The following SLC44A5 variants were observed in gnomAD, a reference collection of about 807,000 sequenced individuals.
SLC44A5 encodes solute carrier family 44 member 5.
SLC44A5 carries 57 observed loss-of-function variants against 101.8 expected under a neutral mutation model. The observed-to-expected ratio is 0.56, with a 90% CI of 0.45 to 0.70. The LOEUF is 0.70. SLC44A5 is among the 30% of genes least tolerant of loss of function. SLC44A5 has a pLI of 0.00. For missense variants in SLC44A5, 737 were observed against 853.1 expected (o/e 0.86, Z 1.70); for synonymous variants, 281 against 290.9 (o/e 0.97, Z 0.35).
chr1:75,425,274 G>T (rs1254650076), intron 2 of SLC44A5, among the ~76,000 whole-genome samples: 1 of 152,184 alleles, frequency 6.6e-6, no homozygotes, highest in South Asian at 2.1e-4. Context: ...ACTATGTTAG[G>T]CACATGTTAG....
intron 2 of SLC44A5, among the ~76,000 whole-genome samples, chr1:75,461,971 C>A (rs371507812): frequency 5.9e-5 from 9 of 152,292 alleles, no homozygotes; most frequent in African/African-American, 2.2e-4. Flanking sequence ...CACAATCCTG[C>A]AGGGAAGGAC....
intron 5 of SLC44A5, among the ~76,000 whole-genome samples, chr1:75,282,899 T>G (rs1292863122): frequency 3.9e-5 from 6 of 152,214 alleles, no homozygotes. Context: ...GGTATGTTTT[T>G]ATTAGCAGTG....
the SLC44A5 span, among the ~76,000 whole-genome samples, chr1:75,692,729 A>G: frequency 6.6e-6 from 1 of 152,300 alleles, no homozygotes; most frequent in East Asian, 1.9e-4. Flanking sequence ...GAAGGGAGAG[A>G]AAAATATGTA....
intron 5 of SLC44A5, among the ~76,000 whole-genome samples, chr1:75,286,987 C>A (rs1262940927): frequency 6.6e-6 from 1 of 152,122 alleles, no homozygotes. Flanking sequence ...ATGTCTATAT[C>A]TCTAGCAAGG....
intron 1 of SLC44A5, among the ~76,000 whole-genome samples, chr1:75,597,555 G>T (rs1423855640): frequency 6.6e-6 from 1 of 152,012 alleles, no homozygotes; most frequent in Admixed American, 6.6e-5. Context: ...CTATACTATA[G>T]GGCTGCAGTA....
At chr1:75,348,649 A>G (rs1018773015) in intron 3 of SLC44A5, among the ~76,000 whole-genome samples, 1 of 152,218 alleles carries the variant, frequency 6.6e-6, no homozygotes, top group African/African-American at 2.4e-5. Flanking sequence ...ATGTGTTCTC[A>G]TAATAGTTTT....
At chr1:75,241,057 G>A (rs956750975) in intron 9 of SLC44A5, among the ~76,000 whole-genome samples, 2 of 131,482 alleles carry the variant, frequency 1.5e-5, no homozygotes, top group African/African-American at 5.5e-5. Context: ...ATTTCATTTA[G>A]TGAATACATT....
At chr1:75,675,487 G>C in the SLC44A5 span, among the ~76,000 whole-genome samples, 1 of 152,058 alleles carries the variant, frequency 6.6e-6, no homozygotes, top group Non-Finnish European at 1.5e-5. Flanking sequence ...TGTTGAAGTT[G>C]CTTATCAGCT....
Position 75,238,519 on chromosome 1 carries a change from G to T in SLC44A5, c.650C>A (p.Ala217Asp). ...AGAATGTAAACACACATACTTTGCA[G>T]CAATCCCGAGTTCTACAACACTTCT... ...GTRSVVELGIAANGINKLLDA... is the reference protein window; with the variant it reads ...GTRSVVELGIDANGINKLLDA... The change falls in exon 10 of 24, where the codon GCT becomes GAT. Residue 217 changes from alanine to aspartate, a missense_variant. Physicochemically the swap from Ala to Asp is moderately radical, Grantham distance 126. This residue lies in a region of SLC44A5 where 665 missense variants were observed against 764.4 expected (regional missense o/e 0.87). Coordinates refer to ENST00000370859, the MANE Select transcript of SLC44A5 (RefSeq NM_001130058.2). 6.3e-7 allele frequency: 1 copy of T among 1,592,096 alleles called. No homozygotes were observed. The highest frequency in any genetic ancestry group is 1.4e-5 in the African/African-American group (1 of 73,546).
intron 4 of SLC44A5, among the ~76,000 whole-genome samples, chr1:75,302,104 G>GTTTTTTTATT (rs1204998592): frequency 4.0e-5 from 2 of 49,590 alleles, no homozygotes; most frequent in East Asian, 6.8e-4. Context: ...AGGTGCTCTA[G>GTTTTTTTATT]TTTTTTTGTT....
intron 4 of SLC44A5, among the ~76,000 whole-genome samples, chr1:75,339,329 G>GA (rs915941459): frequency 1.3e-5 from 2 of 151,514 alleles, no homozygotes; most frequent in African/African-American, 4.9e-5. Context: ...TTCTCTTTTT[G>GA]AAAAGTACAA....
At position 75,535,071 on chromosome 1, in the gene SLC44A5, C is replaced by CTT. The variant is rs34439007; in HGVS notation, c.13+6362_13+6363dup. On this transcript the variant is annotated intron_variant, in intron 2 of 23. Coordinates refer to ENST00000370859, the MANE Select transcript of SLC44A5 (RefSeq NM_001130058.2). The stretch of plus-strand genomic sequence containing the variant: ...TTTAGGCTTACTATAATTGAAGCTG[C>CTT]TTTTTTTTTTTTTTTTTTAAAGAAA... 2.3e-3 allele frequency among the ~76,000 whole-genome samples: 316 copies of CTT among 139,770 alleles called. 2 individuals are homozygous for CTT. Among genetic ancestry groups the CTT allele is most frequent in the African/African-American group, 7.7e-3 (291 of 38,036 alleles). The allele number at this position is 139,770 out of a possible 152,430, so 91.7% of individuals were successfully genotyped here.
intron 5 of SLC44A5, among the ~76,000 whole-genome samples, chr1:75,283,207 G>T (rs1652760022): frequency 6.6e-6 from 1 of 151,828 alleles, no homozygotes; most frequent in Admixed American, 6.6e-5. Flanking sequence ...GAGTAAGGTG[G>T]TATTGTGTTG....
chr1:75,256,174 T>C (rs116635025), intron 6 of SLC44A5, among the ~76,000 whole-genome samples: 2,034 of 152,190 alleles, frequency 0.013, 57 homozygotes, highest in African/African-American at 0.047. Flanking sequence ...CTGTTAACTC[T>C]AGAAAAAGAC....
At chr1:75,250,301 C>T (rs1402521665) in intron 7 of SLC44A5, among the ~76,000 whole-genome samples, 1 of 152,136 alleles carries the variant, frequency 6.6e-6, no homozygotes, top group Non-Finnish European at 1.5e-5. Flanking sequence ...TGACCACCAG[C>T]TCCATCCATG....
At chr1:75,604,201 G>A (rs1327913696) in intron 1 of SLC44A5, among the ~76,000 whole-genome samples, 1 of 152,026 alleles carries the variant, frequency 6.6e-6, no homozygotes, top group East Asian at 1.9e-4. Flanking sequence ...ATCAAACAAG[G>A]TAGGGGTCCA....
chr1:75,720,831 G>A, the SLC44A5 span, among the ~76,000 whole-genome samples: 12,049 of 142,560 alleles, frequency 0.085, 1,635 homozygotes, highest in African/African-American at 0.29. Context: ...AGTTCAGAAA[G>A]ACAGGACAAC....
At chr1:75,655,237 C>A in the SLC44A5 span, among the ~76,000 whole-genome samples, 1 of 152,136 alleles carries the variant, frequency 6.6e-6, no homozygotes. Context: ...GTTCACCAAT[C>A]CCCCATGACA....
chr1:75,375,818 C>T (rs1036072013), intron 3 of SLC44A5, among the ~76,000 whole-genome samples: 4 of 152,216 alleles, frequency 2.6e-5, no homozygotes, highest in Non-Finnish European at 5.9e-5. Flanking sequence ...TTCATTACCA[C>T]TGAATCGTGG....
Sources: allele counts gnomAD v4.1 joint callset (sites outside exome capture counted in the v4.1 genomes callset), GRCh38; gene constraint gnomAD v4.1.1; regional missense constraint gnomAD v4.1.1; transcripts MANE v1.5; gene names NCBI Gene and HGNC (gene_info 2026-07-23, HGNC 2026-07-21).